The following SYT7 variants were observed in gnomAD, a reference collection of about 807,000 sequenced individuals.
The protein encoded by SYT7 is synaptotagmin 7.
A neutral mutation model predicts 75.1 loss-of-function variants in SYT7; 29 were observed. That is an observed-to-expected ratio of 0.39 (90% CI 0.29 to 0.53). SYT7 has a LOEUF of 0.53. SYT7 is among the 20% of genes least tolerant of loss of function. The pLI is 0.77. For synonymous variants in SYT7, 376 were observed against 401.7 expected (o/e 0.94, Z 0.76); for missense variants, 693 against 953.2 (o/e 0.73, Z 3.59).
chr11:61,538,389 A>AGAGAGAGAC, intron 6 of SYT7, 123 bp from the exon 7 acceptor site: 5 of 252,446 alleles, frequency 2.0e-5, no homozygotes, highest in Middle Eastern at 1.4e-3. Context: ...GAGAGAGAGA[A>AGAGAGAGAC]AGAGAGAGAG....
Position 61,533,734 on chromosome 11 carries a change from T to TGCCACAC in SYT7, c.1065-617_1065-611dup, listed in dbSNP as rs2062780980. 4.4e-6 allele frequency: 4 copies of TGCCACAC among 918,186 alleles called. No individual in the cohort carries two copies. In the South Asian group the frequency reaches 1.5e-4, roughly 34 times the overall value. The allele number at this position is 918,186 out of a possible 1,614,324, so 56.9% of individuals were successfully genotyped here. The stretch of plus-strand genomic sequence containing the variant: ...TGTGCTGTCCAGTGGAGCAGCCACA[T>TGCCACAC]GCCACACGTGTGCACTTGAGCATTT... On this transcript the variant is annotated intron_variant, in intron 7 of 12. Transcript: ENST00000539008.
chr11:61,559,235 G>T (rs1176030130), intron 1 of SYT7, among the ~76,000 whole-genome samples: 1 of 152,210 alleles, frequency 6.6e-6, no homozygotes, highest in Non-Finnish European at 1.5e-5. Flanking sequence ...TGGGACTAGG[G>T]AGCTATCTGG....
At position 61,524,825 on chromosome 11, in the gene SYT7, T is replaced by C. The variant is rs73496246; in HGVS notation, c.1472-293A>G. ...GCCCAGACTCCCAGCTAGTAAAGAG[T>C]AGAACTGCGATCATCCATTCACCCA... On this transcript the variant is annotated intron_variant, in intron 9 of 12. Transcript: ENST00000539008. The surrounding 1 kb of genome is among the most constrained non-coding windows in gnomAD (Gnocchi z 4.1). The C allele has an allele frequency of 0.016, 4,891 of 296,914 alleles. 219 individuals carry two copies. The highest frequency in any genetic ancestry group is 0.099 in the African/African-American group (4,475 of 44,998). 18.4% of individuals were successfully genotyped at this position (296,914 alleles called of 1,614,324 possible).
intron 1 of SYT7, among the ~76,000 whole-genome samples, chr11:61,563,282 C>T: frequency 6.6e-6 from 1 of 152,240 alleles, no homozygotes; most frequent in Non-Finnish European, 1.5e-5. Context: ...TACGCCCCAG[C>T]CCTGCCCCTG....
chr11:61,518,601 GC>G lies in SYT7; in HGVS notation c.*25del. ...GGCATGATGGGGACCTGGGCCCTCG[GC>G]CCCCTGGGCCTCCCTTGGCCCCACT... is the stretch of plus-strand genomic sequence containing the variant. On this transcript the variant is annotated 3_prime_UTR_variant, in exon 13 of 13. Transcript: ENST00000539008. 1.3e-6 allele frequency: 2 copies of G among 1,499,668 alleles called. No homozygotes were observed. The highest frequency in any genetic ancestry group is 1.8e-6 in the Non-Finnish European group (2 of 1,113,838). The allele number at this position is 1,499,668 out of a possible 1,614,324, so 92.9% of individuals were successfully genotyped here. A position where few individuals can be genotyped will look rare whatever the true frequency, so the allele number is the denominator to read the frequency against.
chr11:61,538,164 C>G lies in SYT7; in HGVS notation c.1044G>C (p.Gln348His). ...CGTACCTCTTGTCCCCCTGAGCGTT[C>G]TGGTTCTGCTGGGTTCCTGGGTTTT... is the stretch of plus-strand genomic sequence containing the variant. ...DLQNPGTQQN[Q>H]NAQGDKRLPA... The change falls in exon 7 of 13, where the codon CAG becomes CAC. Residue 348 changes from glutamine (Q) to histidine (H), a missense_variant. Around this residue, in one of 2 missense-constraint regions of SYT7, gnomAD observed 487 missense variants for 593.2 expected, o/e 0.82. Coordinates refer to ENST00000539008, the MANE Select transcript of SYT7 (RefSeq NM_001365809.2). 6.5e-7 allele frequency: 1 copy of G among 1,536,072 alleles called. No homozygotes were observed. The highest frequency in any genetic ancestry group is 2.4e-5 in the East Asian group (1 of 40,900).
At position 61,524,539 on chromosome 11, in the gene SYT7, G is replaced by A; in HGVS notation, c.1472-7C>T. The A allele has an allele frequency of 1.3e-6, 2 of 1,573,398 alleles. No individual in the cohort carries two copies. The highest frequency in any genetic ancestry group is 1.7e-6 in the Non-Finnish European group (2 of 1,158,312). On this transcript the variant is annotated splice_polypyrimidine_tract_variant and splice_region_variant and intron_variant, in intron 9 of 12. Coordinates refer to ENST00000539008, the MANE Select transcript of SYT7 (RefSeq NM_001365809.2). This position sits in a 1 kb window ranked among gnomAD's most constrained non-coding sequence, Gnocchi z 4.1. ...ACCTTCTCATAGGGAAAACCTGGGG[G>A]TATAGATGAGTGTGAGTGAAGAGGG...
At chr11:61,543,694 T>C (rs961179797) in intron 5 of SYT7, among the ~76,000 whole-genome samples, 2 of 152,216 alleles carry the variant, frequency 1.3e-5, no homozygotes, top group African/African-American at 4.8e-5. Flanking sequence ...AAATGCTGTA[T>C]TGGTAAAAGC....
intron 6 of SYT7, among the ~76,000 whole-genome samples, chr11:61,538,841 T>C (rs2062959810): frequency 6.6e-6 from 1 of 152,186 alleles, no homozygotes; most frequent in Non-Finnish European, 1.5e-5. Context: ...CTGCACCCTG[T>C]CCTTATGGAA....
chr11:61,572,667 C>G (rs933735565), intron 1 of SYT7, among the ~76,000 whole-genome samples: 3 of 152,176 alleles, frequency 2.0e-5, no homozygotes, highest in African/African-American at 4.8e-5. Context: ...GTGGACCCAC[C>G]AGGCACCACT....
In SYT7 at chr11:61,557,108, C is replaced by T. The variant is rs1565198120; in HGVS notation, c.32-901G>A. Among the ~76,000 whole-genome samples, 12 of 152,306 alleles carry T rather than the reference C, an allele frequency of 7.9e-5. No homozygotes were observed. In the South Asian group the frequency reaches 2.5e-3, roughly 32 times the overall value. On this transcript the variant is annotated intron_variant, in intron 1 of 12. Transcript: ENST00000539008. Reference sequence around the variant, plus strand: ...CTTCCTCTGTAAATGCAGATCAGACCTCCTCCCCCGCCCTCCTCATGGGTG... The same window carrying T: ...CTTCCTCTGTAAATGCAGATCAGACTTCCTCCCCCGCCCTCCTCATGGGTG...
Position 61,523,303 on chromosome 11 carries a change from G to A in SYT7, c.1757-29C>T. 1 of 1,600,972 alleles carries A rather than the reference G, an allele frequency of 6.2e-7. No individual in the cohort carries two copies. Among genetic ancestry groups the A allele is most frequent in the Non-Finnish European group, 8.6e-7 (1 of 1,168,194 alleles). On this transcript the variant is annotated intron_variant, in intron 11 of 12. Coordinates refer to ENST00000539008, the MANE Select transcript of SYT7 (RefSeq NM_001365809.2). This position sits in a 1 kb window ranked among gnomAD's most constrained non-coding sequence, Gnocchi z 5.0. ...GGGGAGGGAGTGGGGAAGGGTTAGA[G>A]GGACCGTGGGGGAGGGACTTCCTAG...
chr11:61,584,688 A>G (rs1225204604), upstream of SYT7, among the ~76,000 whole-genome samples: 2 of 152,218 alleles, frequency 1.3e-5, no homozygotes, highest in East Asian at 1.9e-4. Flanking sequence ...GAGCGCCAGA[A>G]TCCAATCCCA....
At position 61,517,053 on chromosome 11, in the gene SYT7, G is replaced by A; in HGVS notation, c.*1574C>T. Reference sequence around the variant, plus strand: ...CTTTGGGGTGTCACAGGCCCATCCAGAGTGGAACTGGGGGCTAAGACCACG... The same window carrying A: ...CTTTGGGGTGTCACAGGCCCATCCAAAGTGGAACTGGGGGCTAAGACCACG... On this transcript the variant is annotated 3_prime_UTR_variant, in exon 13 of 13. Transcript: ENST00000539008. The A allele has an allele frequency of 2.6e-6, 1 of 390,042 alleles. No individual in the cohort carries two copies. The highest frequency in any genetic ancestry group is 3.6e-5 in the East Asian group (1 of 27,532). 24.2% of individuals were successfully genotyped at this position (390,042 alleles called of 1,614,324 possible).
intron 1 of SYT7, among the ~76,000 whole-genome samples, chr11:61,565,912 C>T (rs1417255692): frequency 7.9e-5 from 12 of 152,226 alleles, no homozygotes; most frequent in Admixed American, 7.2e-4. Context: ...TGGCTGGGGC[C>T]GCAGAGGCCG....
intron 6 of SYT7, 87 bp from the exon 7 acceptor site, chr11:61,538,353 GA>G (rs1565180332): frequency 0.027 from 18,221 of 665,040 alleles, 297 homozygotes; most frequent in African/African-American, 0.069. Flanking sequence ...GAGGGAGAGA[GA>G]GAGAGAGAGA....
rs533267535 is a variant in SYT7 at position 61,514,810 on chromosome 11, G to A, written c.*3817C>T. Among the ~76,000 whole-genome samples the A allele has an allele frequency of 5.5e-4, 84 of 152,322 alleles. No homozygotes were observed. Among genetic ancestry groups the A allele is most frequent in the African/African-American group, 1.9e-3 (80 of 41,582 alleles). On this transcript the variant is annotated 3_prime_UTR_variant, in exon 13 of 13. Transcript: ENST00000539008. ...AACTAGAAGAGGGCTGAGAGAAGCC[G>A]CAGGTCCAGCCAACAGACACAGAGC...
upstream of SYT7, chr11:61,581,115 G>GTGTGTGTGTACGAGGCCGTGTGTA: frequency 1.0e-5 from 2 of 198,428 alleles, no homozygotes; most frequent in Non-Finnish European, 1.8e-5. Flanking sequence ...CCGTGTGTAT[G>GTGTGTGTGTACGAGGCCGTGTGTA]TGTGTGTGTG....
chr11:61,534,225 G>A (rs775584985), intron 7 of SYT7, among the ~76,000 whole-genome samples: 5 of 152,212 alleles, frequency 3.3e-5, no homozygotes, highest in South Asian at 2.1e-4. Flanking sequence ...GGAGCCACAC[G>A]CTGAGGGTGG....
Sources: allele counts gnomAD v4.1 joint callset (sites outside exome capture counted in the v4.1 genomes callset), GRCh38; gene constraint gnomAD v4.1.1; regional missense constraint gnomAD v4.1.1; non-coding constraint Gnocchi (gnomAD v3.1); transcripts MANE v1.5; gene names NCBI Gene and HGNC (gene_info 2026-07-23, HGNC 2026-07-21).